Variants in NCAPH observed in about 807,000 individuals in gnomAD.
The protein encoded by NCAPH is condensin complex subunit 2.
A neutral mutation model predicts 85.5 loss-of-function variants in NCAPH; 38 were observed. The ratio of observed to expected loss-of-function variants is 0.44; its 90% CI spans 0.34 to 0.58. NCAPH has a LOEUF of 0.58. Ranked by LOEUF, NCAPH falls within the 20% of genes least tolerant of loss-of-function variation. NCAPH has a pLI of 0.01. For missense variants in NCAPH, 789 were observed against 916.6 expected, an observed-to-expected ratio of 0.86 and a Z score of 1.80; for synonymous variants, 301 against 335.1, an observed-to-expected ratio of 0.90 and a Z score of 1.11.
At position 96,376,086 on chromosome 2, in the gene NCAPH, G is replaced by C. The variant is rs1360152857; in HGVS notation, c.*2735G>C. Among the ~76,000 whole-genome samples, 1 of 152,160 alleles carries C rather than the reference G, an allele frequency of 6.6e-6. No homozygotes were observed. The highest frequency in any genetic ancestry group is 1.9e-4 in the East Asian group (1 of 5,202). On this transcript the variant is annotated 3_prime_UTR_variant, in exon 18 of 18. Coordinates refer to ENST00000240423, the MANE Select transcript of NCAPH (RefSeq NM_015341.5). ...ACTAATACAAGTGGTAATGTGTCCA[G>C]CTAAAAATTTGGGTTCTGTTAAGGT...
intron 9 of NCAPH, among the ~76,000 whole-genome samples, chr2:96,357,119 C>T (rs1363152491): frequency 6.6e-6 from 1 of 152,216 alleles, no homozygotes; most frequent in Non-Finnish European, 1.5e-5. Flanking sequence ...GCCCAGAACA[C>T]AGCCTACTTC....
At position 96,367,382 on chromosome 2, in the gene NCAPH, C is replaced by G. The variant is rs1371267633; in HGVS notation, c.1998+9C>G. On this transcript the variant is annotated intron_variant, in intron 15 of 17. Transcript: ENST00000240423. Reference sequence around the variant, plus strand: ...AGGAGGCAGATGCAGAGGTCAGATGCTCTTGCCTGTTCTCTAGGTGCCCAG... The same window carrying G: ...AGGAGGCAGATGCAGAGGTCAGATGGTCTTGCCTGTTCTCTAGGTGCCCAG... 1.3e-6 allele frequency: 2 copies of G among 1,596,950 alleles called. No homozygotes were observed.
At chr2:96,349,142 G>T (rs1480779026) in intron 6 of NCAPH, among the ~76,000 whole-genome samples, 1 of 152,156 alleles carries the variant, frequency 6.6e-6, no homozygotes, top group East Asian at 1.9e-4. Context: ...AAGAGAAAAG[G>T]AGAGAGCAGC....
chr2:96,346,933 A>G (rs1323478265), intron 6 of NCAPH, among the ~76,000 whole-genome samples: 6 of 152,164 alleles, frequency 3.9e-5, no homozygotes, highest in Admixed American at 3.9e-4. Flanking sequence ...GGATCAACAT[A>G]TGGATATTGA....
chr2:96,352,113 A>G (rs537433001), intron 7 of NCAPH, 93 bp downstream of exon 7: 2 of 1,289,748 alleles, frequency 1.6e-6, no homozygotes, highest in Non-Finnish European at 2.1e-6. Context: ...TCATGCTCTT[A>G]TGTTGCTTAA....
chr2:96,342,978 C>CT, intron 4 of NCAPH, 130 bp downstream of exon 4: 1 of 1,177,902 alleles, frequency 8.5e-7, no homozygotes, highest in Admixed American at 2.4e-5. Context: ...AGTTAATTTA[C>CT]TTTCTTTTCC....
chr2:96,362,752 TA>T (rs2064642928), intron 12 of NCAPH, among the ~76,000 whole-genome samples: 1 of 152,194 alleles, frequency 6.6e-6, no homozygotes, highest in South Asian at 2.1e-4. Flanking sequence ...AATATCCTGA[TA>T]AAACTTGAAT....
chr2:96,342,079 A>G lies in NCAPH; in HGVS notation c.302A>G (p.Lys101Arg), dbSNP rs1197594584. ...RSIDISATIP[K>R]FTNTQITEHY... ...ATTGACATTTCAGCTACTATCCCCA[A>G]GTTTACAAACACGCAGATTACGGAA... is the stretch of plus-strand genomic sequence containing the variant. The change falls in exon 3 of 18, where the codon AAG becomes AGG. Residue 101 changes from lysine to arginine, a missense_variant. Lys to Arg is a conservative substitution (Grantham distance 26). Coordinates refer to ENST00000240423, the MANE Select transcript of NCAPH (RefSeq NM_015341.5). 6.2e-7 allele frequency: 1 copy of G among 1,613,056 alleles called. No homozygotes were observed. The highest frequency in any genetic ancestry group is 1.7e-5 in the Admixed American group (1 of 60,032).
At chr2:96,353,455 C>T in intron 8 of NCAPH, 58 bp downstream of exon 8, 1 of 1,451,268 alleles carries the variant, frequency 6.9e-7, no homozygotes. Context: ...AGTGGTCCTG[C>T]CCAATGGGAA....
chr2:96,345,838 C>G (rs149066573), intron 6 of NCAPH, among the ~76,000 whole-genome samples: 1 of 152,260 alleles, frequency 6.6e-6, no homozygotes, highest in African/African-American at 2.4e-5. Flanking sequence ...ATTACTGTTT[C>G]AACATTCTTG....
intron 1 of NCAPH, among the ~76,000 whole-genome samples, chr2:96,340,103 A>G (rs1004097290): frequency 6.6e-6 from 1 of 151,636 alleles, no homozygotes; most frequent in African/African-American, 2.4e-5. Flanking sequence ...TTGTATTTTT[A>G]GTAGAGACAG....
In NCAPH at chr2:96,352,038, CT is replaced by C; in HGVS notation, c.910+21del. 1 of 1,587,856 alleles carries C rather than the reference CT, an allele frequency of 6.3e-7. No individual in the cohort carries two copies. The highest frequency in any genetic ancestry group is 8.6e-7 in the Non-Finnish European group (1 of 1,165,482). ...TTTAAAAGGTAAGTACAAGTGATGC[CT>C]TTCACCAGAGCATTTCAGTCATTGG... On this transcript the variant is annotated intron_variant, in intron 7 of 17. Transcript: ENST00000240423.
At chr2:96,367,428 G>A in intron 15 of NCAPH, 55 bp downstream of exon 15, 2 of 1,327,310 alleles carry the variant, frequency 1.5e-6, no homozygotes, top group East Asian at 4.7e-5. Flanking sequence ...GGGAGTGGTT[G>A]ATGTCTACAG....
In NCAPH at chr2:96,367,320, C is replaced by T; in HGVS notation, c.1945C>T (p.Gln649Ter). 5 of 1,613,702 alleles carry T rather than the reference C, an allele frequency of 3.1e-6. No homozygotes were observed. The highest frequency in any genetic ancestry group is 4.2e-6 in the Non-Finnish European group (5 of 1,179,724). The change falls in exon 15 of 18, where the codon CAG becomes TAG. Residue 649 changes from glutamine to a stop codon, truncating the protein, a stop_gained. Coordinates refer to ENST00000240423, the MANE Select transcript of NCAPH (RefSeq NM_015341.5). LOFTEE classifies it high-confidence loss of function. Reference protein sequence around the residue: ...AKKMDMKKLKQSMWSLLTALS... With the variant: ...AKKMDMKKLK The stretch of plus-strand genomic sequence containing the variant: ...AAAGATGGACATGAAGAAACTGAAG[C>T]AGAGCATGTGGAGTCTGCTGACAGC...
chr2:96,345,002 T>A (rs2064344187), intron 6 of NCAPH, among the ~76,000 whole-genome samples: 1 of 152,200 alleles, frequency 6.6e-6, no homozygotes, highest in African/African-American at 2.4e-5. Flanking sequence ...TACTTTTCTC[T>A]CTTACCTCCA....
intron 8 of NCAPH, 34 bp from the exon 9 acceptor site, chr2:96,354,149 A>T: frequency 6.3e-7 from 1 of 1,597,854 alleles, no homozygotes; most frequent in Non-Finnish European, 8.6e-7. Flanking sequence ...GGTTATAGGA[A>T]TGAGAATTAC....
At chr2:96,346,490 T>C (rs1459740883) in intron 6 of NCAPH, among the ~76,000 whole-genome samples, 2 of 152,074 alleles carry the variant, frequency 1.3e-5, no homozygotes, top group East Asian at 3.9e-4. Context: ...TGGGATCCTG[T>C]TGAGCTGAGT....
intron 7 of NCAPH, among the ~76,000 whole-genome samples, chr2:96,352,492 C>T (rs2064458309): frequency 6.6e-6 from 1 of 152,214 alleles, no homozygotes; most frequent in South Asian, 2.1e-4. Context: ...CTCCTATTAT[C>T]AGTCCCCTAT....
intron 9 of NCAPH, among the ~76,000 whole-genome samples, chr2:96,355,653 T>G (rs918269540): frequency 1.1e-4 from 17 of 151,342 alleles, no homozygotes; most frequent in Admixed American, 7.9e-4. Flanking sequence ...TTGTTTTTTT[T>G]TTTTTTGAGA....
Sources: allele counts gnomAD v4.1 joint callset (sites outside exome capture counted in the v4.1 genomes callset), GRCh38; gene constraint gnomAD v4.1.1; transcripts MANE v1.5; gene names NCBI Gene and HGNC (gene_info 2026-07-23, HGNC 2026-07-21).